The following PSMD8 variants were observed in gnomAD, a reference collection of about 807,000 sequenced individuals.
PSMD8 encodes 26S proteasome non-ATPase regulatory subunit 8.
Under a neutral mutation model 40.0 loss-of-function variants are expected in PSMD8, and 30 were observed. That is an observed-to-expected ratio of 0.75 (90% CI 0.56 to 1.02). The LOEUF is 1.02. Among genes scored for constraint, PSMD8 ranks in the 50% least tolerant of loss-of-function variants. The probability of loss-of-function intolerance (pLI) is 0.00; values close to 1 mark genes in which losing one functional copy is unlikely to be tolerated. For missense variants in PSMD8, 461 were observed against 463.9 expected (o/e 0.99, Z 0.06); for synonymous variants, 208 against 192.5 (o/e 1.08, Z -0.67).
chr19:38,377,715 C>T (rs1341669883), intron 3 of PSMD8, among the ~76,000 whole-genome samples: 4 of 151,978 alleles, frequency 2.6e-5, no homozygotes, highest in East Asian at 1.9e-4. Flanking sequence ...CTGCAACCTC[C>T]GCCTCCCAGG....
chr19:38,383,237 C>T lies in PSMD8; in HGVS notation c.916-16C>T, dbSNP rs765004176. The T allele has an allele frequency of 6.2e-7, 1 of 1,612,230 alleles. No homozygotes were observed. Among genetic ancestry groups the T allele is most frequent in the South Asian group, 1.1e-5 (1 of 90,996 alleles). On this transcript the variant is annotated splice_polypyrimidine_tract_variant and intron_variant, in intron 6 of 6. Transcript: ENST00000215071. ...TGTGATCACTCTACTCGTCTCTAATCCCTCCTTTCCTGCAGCGAGGGTGGG... is the reference window on the plus strand; with the variant it reads ...TGTGATCACTCTACTCGTCTCTAATTCCTCCTTTCCTGCAGCGAGGGTGGG...
chr19:38,374,825 T>A lies in PSMD8; in HGVS notation c.224T>A (p.Phe75Tyr). The change falls in exon 1 of 7, where the codon TTC becomes TAC. Residue 75 changes from phenylalanine (F) to tyrosine (Y), a missense_variant. Transcript: ENST00000215071. ...GCGGCGGTGAACGGGGCGGCAGGCT[T>A]CTCGAGCTCCGGGCCCGCGGCAACC... is the stretch of plus-strand genomic sequence containing the variant. Reference protein sequence around the residue: ...AAAAVNGAAGFSSSGPAATSG... With the variant: ...AAAAVNGAAGYSSSGPAATSG... The A allele has an allele frequency of 6.3e-7, 1 of 1,575,216 alleles. No homozygotes were observed. Among genetic ancestry groups the A allele is most frequent in the Non-Finnish European group, 8.6e-7 (1 of 1,167,880 alleles).
chr19:38,376,152 C>T lies in PSMD8; in HGVS notation c.361-8C>T. The T allele has an allele frequency of 6.3e-7, 1 of 1,597,174 alleles. No individual in the cohort carries two copies. The highest frequency in any genetic ancestry group is 8.6e-7 in the Non-Finnish European group (1 of 1,167,404). Reference sequence around the variant, plus strand: ...TTTTCTTTCTTCCCTCCCTCCCCTCCCCATCAGCTAGTTCTTCTGGAGCTC... The same window carrying T: ...TTTTCTTTCTTCCCTCCCTCCCCTCTCCATCAGCTAGTTCTTCTGGAGCTC... On this transcript the variant is annotated splice_polypyrimidine_tract_variant and splice_region_variant and intron_variant, in intron 1 of 6. Transcript: ENST00000215071.
intron 6 of PSMD8, chr19:38,382,863 G>A (rs1157382044): frequency 5.0e-6 from 1 of 199,190 alleles, no homozygotes; most frequent in East Asian, 1.2e-4. Flanking sequence ...AGTGAGCCGA[G>A]ATCACGCCAT....
At chr19:38,380,421 G>A (rs1015851166) in intron 4 of PSMD8, among the ~76,000 whole-genome samples, 1 of 152,196 alleles carries the variant, frequency 6.6e-6, no homozygotes, top group Non-Finnish European at 1.5e-5. Flanking sequence ...AGTGAGCAGG[G>A]CCAGGGCAAA....
rs754177373 is a variant in PSMD8 at position 38,376,302 on chromosome 19, TG to T, written c.434-46del. The T allele has an allele frequency of 2.5e-5, 38 of 1,535,942 alleles. No homozygotes were observed. The African/African-American group carries it at 5.1e-4, about 21-fold the overall frequency. On this transcript the variant is annotated intron_variant, in intron 2 of 6. Transcript: ENST00000215071. ...TGGCAGGAATGGTAGCACTGGTGGT[TG>T]GGGAAGAGACCTCAGTCACCTCCTG...
intron 5 of PSMD8, chr19:38,381,267 T>C (rs1380120648): frequency 2.7e-6 from 1 of 375,122 alleles, no homozygotes; most frequent in Admixed American, 4.4e-5. Context: ...CAGGCAGGGA[T>C]TGTGCGGCCT....
chr19:38,382,981 G>T (rs1216753053), intron 6 of PSMD8: 1 of 412,730 alleles, frequency 2.4e-6, no homozygotes, highest in East Asian at 3.8e-5. Flanking sequence ...TAACTGATCT[G>T]TCACTCAGGC....
chr19:38,383,683 C>T lies in PSMD8; in HGVS notation c.*293C>T, dbSNP rs890178855. 3 of 444,228 alleles carry T rather than the reference C, an allele frequency of 6.8e-6. No homozygotes were observed. Among genetic ancestry groups the T allele is most frequent in the African/African-American group, 2.0e-5 (1 of 50,870 alleles). 27.5% of individuals were successfully genotyped at this position (444,228 alleles called of 1,614,324 possible). On this transcript the variant is annotated 3_prime_UTR_variant, in exon 7 of 7. Transcript: ENST00000215071. ...CACTGTGGCCTGCAGGAGGGCATGG[C>T]CCCAGGTAGGGGGACTGTTCTAGCC...
Position 38,374,746 on chromosome 19 carries a change from C to T in PSMD8, c.145C>T (p.Arg49Trp). The change falls in exon 1 of 7, where the codon CGG (arginine) becomes TGG (tryptophan). Residue 49 changes from arginine (R) to tryptophan (W), a missense_variant. By Grantham distance (101) the Arg-to-Trp change is moderately radical. Transcript: ENST00000215071. ...CTTCCGCCGGGCAAGCGTTTGTAGG[C>T]GGCGCTGCCGTAAATCAGGCGGTCT... is the stretch of plus-strand genomic sequence containing the variant. Reference protein sequence around the residue: ...PHFRRASVCRRRCRKSGGLLA... With the variant: ...PHFRRASVCRWRCRKSGGLLA... 1.3e-6 allele frequency: 2 copies of T among 1,554,958 alleles called. No homozygotes were observed. Among genetic ancestry groups the T allele is most frequent in the Non-Finnish European group, 1.7e-6 (2 of 1,153,858 alleles).
At chr19:38,382,062 A>G in intron 5 of PSMD8, 55 bp from the exon 6 acceptor site, 1 of 1,297,198 alleles carries the variant, frequency 7.7e-7, no homozygotes, top group Non-Finnish European at 1.1e-6. Context: ...CTGGGGGGAC[A>G]GGTCCTGGGA....
At chr19:38,375,891 C>T (rs913568203) in intron 1 of PSMD8, among the ~76,000 whole-genome samples, 21 of 152,152 alleles carry the variant, frequency 1.4e-4, no homozygotes, top group African/African-American at 4.8e-5. Context: ...CTGTCCCCAC[C>T]GCCGCGTGAT....
intron 6 of PSMD8, 37 bp from the exon 7 acceptor site, chr19:38,383,216 A>T (rs764315922): frequency 3.7e-6 from 6 of 1,611,458 alleles, no homozygotes; most frequent in Non-Finnish European, 5.1e-6. Context: ...AGCCTTTGTG[A>T]TCACTCTACT....
At chr19:38,377,887 G>A (rs1161861095) in intron 3 of PSMD8, among the ~76,000 whole-genome samples, 3 of 152,112 alleles carry the variant, frequency 2.0e-5, no homozygotes, top group Non-Finnish European at 2.9e-5. Flanking sequence ...TGATCCACCC[G>A]CCTCGGCCTC....
chr19:38,380,317 C>T (rs1326386141), intron 4 of PSMD8, among the ~76,000 whole-genome samples: 1 of 152,188 alleles, frequency 6.6e-6, no homozygotes, highest in African/African-American at 2.4e-5. Context: ...CTGTGGACAG[C>T]CGGGCAGAGG....
chr19:38,382,556 C>T (rs1435310266), intron 6 of PSMD8: 11 of 533,692 alleles, frequency 2.1e-5, no homozygotes, highest in Non-Finnish European at 2.6e-5. Flanking sequence ...GCACGAGCAA[C>T]GCTTGGTGTT....
Position 38,374,764 on chromosome 19 carries a change from G to T in PSMD8, c.163G>T (p.Gly55Cys). 6.4e-7 allele frequency: 1 copy of T among 1,564,690 alleles called. No individual in the cohort carries two copies. The highest frequency in any genetic ancestry group is 8.6e-7 in the Non-Finnish European group (1 of 1,159,708). ...TTGTAGGCGGCGCTGCCGTAAATCAGGCGGTCTGCTTGCCGCATCACGCAA... is the reference window on the plus strand; with the variant it reads ...TTGTAGGCGGCGCTGCCGTAAATCATGCGGTCTGCTTGCCGCATCACGCAA... ...SVCRRRCRKS[G>C]GLLAASRKMA... is the part of the protein sequence containing the mutation. Residue 55 changes from glycine to cysteine, a missense_variant, in exon 1 of 7, where the codon GGC (glycine) becomes TGC (cysteine). Physicochemically the swap from Gly to Cys is radical, Grantham distance 159. Coordinates refer to ENST00000215071, the MANE Select transcript of PSMD8 (RefSeq NM_002812.5).
chr19:38,380,159 G>T (rs1970627888), intron 4 of PSMD8, among the ~76,000 whole-genome samples: 1 of 152,100 alleles, frequency 6.6e-6, no homozygotes, highest in Non-Finnish European at 1.5e-5. Context: ...GATGGTGGGT[G>T]CCTGTAATCC....
chr19:38,380,285 G>GAA (rs1049940227), intron 4 of PSMD8, among the ~76,000 whole-genome samples: 1 of 152,156 alleles, frequency 6.6e-6, no homozygotes. Context: ...AAAAAGAAAA[G>GAA]AAAAGGGTAA....
Sources: allele counts gnomAD v4.1 joint callset (sites outside exome capture counted in the v4.1 genomes callset), GRCh38; gene constraint gnomAD v4.1.1; transcripts MANE v1.5; gene names NCBI Gene and HGNC (gene_info 2026-07-23, HGNC 2026-07-21).